The following CLEC4A variants were observed in gnomAD, a reference collection of about 807,000 sequenced individuals.
CLEC4A encodes C-type lectin domain family 4 member A.
A neutral mutation model predicts 32.7 loss-of-function variants in CLEC4A; 27 were observed. The ratio of observed to expected loss-of-function variants is 0.83; its 90% confidence interval spans 0.61 to 1.14. CLEC4A has a LOEUF of 1.14. CLEC4A is among the 50% of genes most tolerant of loss of function. CLEC4A has a pLI of 0.00. For synonymous variants in CLEC4A, 89 were observed against 93.7 expected, an observed-to-expected ratio of 0.95 and a Z score of 0.29; for missense variants, 253 against 274.6, an observed-to-expected ratio of 0.92 and a Z score of 0.55.
chr12:8,103,382 T>TTTTTTG, the CLEC4A span, among the ~76,000 whole-genome samples: 7 of 107,770 alleles, frequency 6.5e-5, no homozygotes, highest in African/African-American at 1.8e-4. Flanking sequence ...TGTTGTTTTT[T>TTTTTTG]TTTTTTTTTT....
the CLEC4A span, among the ~76,000 whole-genome samples, chr12:8,108,127 T>C: frequency 2.6e-5 from 4 of 152,350 alleles, no homozygotes; most frequent in Middle Eastern, 6.8e-3. Context: ...ATTTCCACCT[T>C]AATTTTATTG....
In CLEC4A at chr12:8,129,305, A is replaced by G. The variant is rs747442737; in HGVS notation, c.241A>G (p.Thr81Ala). 1 of 1,606,998 alleles carries G rather than the reference A, an allele frequency of 6.2e-7. No individual in the cohort carries two copies. Among genetic ancestry groups the G allele is most frequent in the South Asian group, 1.1e-5 (1 of 88,712 alleles). ...KYSQLLEKKT[T>A]KELVHTTLEC... is the part of the protein sequence containing the mutation. ...TTCTCAGCTTCTTGAAAAAAAGACT[A>G]CAAAAGAGCTGGTTCATACAACATT... Residue 81 changes from threonine (T) to alanine (A), a missense_variant, in exon 3 of 6, where the codon ACA becomes GCA. Transcript: ENST00000229332.
chr12:8,134,103 G>T, intron 3 of CLEC4A: 1 of 1,592,118 alleles, frequency 6.3e-7, no homozygotes. Flanking sequence ...TTCGGGCACC[G>T]CAGGAACAAA....
the CLEC4A span, among the ~76,000 whole-genome samples, chr12:8,110,792 G>GC: frequency 1.3e-5 from 2 of 151,988 alleles, no homozygotes; most frequent in Non-Finnish European, 2.9e-5. Flanking sequence ...CAGTGTGAGT[G>GC]CCCCCCTTGC....
chr12:8,119,782 T>G (rs1185413132), upstream of CLEC4A, among the ~76,000 whole-genome samples: 1 of 152,218 alleles, frequency 6.6e-6, no homozygotes, highest in African/African-American at 2.4e-5. Flanking sequence ...TTTCACAGGT[T>G]GAGGGCACGC....
intron 3 of CLEC4A, among the ~76,000 whole-genome samples, chr12:8,133,190 C>T (rs1948030875): frequency 6.6e-6 from 1 of 152,196 alleles, no homozygotes; most frequent in African/African-American, 2.4e-5. Flanking sequence ...GCAGGGATTA[C>T]AGGTGTGAGC....
chr12:8,105,532 A>G, the CLEC4A span, among the ~76,000 whole-genome samples: 2 of 151,898 alleles, frequency 1.3e-5, no homozygotes, highest in Admixed American at 6.6e-5. Context: ...TTGTATTTTT[A>G]GTAGAGACGG....
Position 8,129,395 on chromosome 12 carries a change from G to A in CLEC4A, c.298+33G>A, listed in dbSNP as rs752478748. The A allele has an allele frequency of 7.5e-6, 10 of 1,333,364 alleles. No individual in the cohort carries two copies. The African/African-American group carries it at 1.3e-4, about 17-fold the overall frequency. 82.6% of individuals were successfully genotyped at this position (1,333,364 alleles called of 1,614,324 possible). On this transcript the variant is annotated intron_variant, in intron 3 of 5. Transcript: ENST00000229332. ...TTAATGTGCCTAGAATTCAGTTGCTGAATGTACTATGTAAGGATCCCAAAT... is the reference window on the plus strand; with the variant it reads ...TTAATGTGCCTAGAATTCAGTTGCTAAATGTACTATGTAAGGATCCCAAAT...
intron 3 of CLEC4A, chr12:8,134,992 TTTTAATCATGGC>T (rs1948080502): frequency 3.7e-6 from 1 of 267,926 alleles, no homozygotes; most frequent in African/African-American, 2.5e-5. Context: ...TTTTGTTTTT[TTTTAATCATGGC>T]TGCTTTTAAA....
At chr12:8,128,143 A>G (rs769099531) in intron 2 of CLEC4A, among the ~76,000 whole-genome samples, 1 of 152,310 alleles carries the variant, frequency 6.6e-6, no homozygotes, top group Non-Finnish European at 1.5e-5. Context: ...AGGTGGATGG[A>G]GGAAACGGAG....
intron 3 of CLEC4A, among the ~76,000 whole-genome samples, chr12:8,129,715 C>T (rs1006477813): frequency 4.6e-5 from 7 of 152,162 alleles, no homozygotes; most frequent in African/African-American, 7.2e-5. Flanking sequence ...CGCTTGAACC[C>T]GGGAGGCAGA....
the CLEC4A span, among the ~76,000 whole-genome samples, chr12:8,105,670 A>G: frequency 2.0e-4 from 30 of 151,972 alleles, no homozygotes; most frequent in Admixed American, 5.9e-4. Context: ...AATTTTTCAT[A>G]TGCTTGTTGG....
intron 3 of CLEC4A, among the ~76,000 whole-genome samples, chr12:8,133,191 A>C (rs1035358170): frequency 2.0e-5 from 3 of 152,218 alleles, no homozygotes; most frequent in African/African-American, 7.2e-5. Flanking sequence ...CAGGGATTAC[A>C]GGTGTGAGCC....
chr12:8,132,056 T>C (rs985182273), intron 3 of CLEC4A, among the ~76,000 whole-genome samples: 1 of 152,176 alleles, frequency 6.6e-6, no homozygotes, highest in Non-Finnish European at 1.5e-5. Flanking sequence ...GTCCAACTCA[T>C]GGATATTTAT....
chr12:8,135,037 A>ATTTTTTTTTTTTTTTTTTTTT (rs1948086052), intron 3 of CLEC4A, among the ~76,000 whole-genome samples: 4 of 10,276 alleles, frequency 3.9e-4, no homozygotes, highest in Non-Finnish European at 1.0e-3. Flanking sequence ...AATTCTAACA[A>ATTTTTTTTTTTTTTTTTTTTT]TTTTATTATC....
chr12:8,132,111 C>G (rs770158673), intron 3 of CLEC4A, among the ~76,000 whole-genome samples: 1 of 152,112 alleles, frequency 6.6e-6, no homozygotes, highest in African/African-American at 2.4e-5. Flanking sequence ...TTTTGTAGTT[C>G]CAGCTTTGGA....
At chr12:8,126,704 A>T (rs1947906950) in intron 2 of CLEC4A, among the ~76,000 whole-genome samples, 1 of 152,196 alleles carries the variant, frequency 6.6e-6, no homozygotes, top group Non-Finnish European at 1.5e-5. Context: ...ACCAGTGGTT[A>T]TAACATTGTA....
chr12:8,125,991 A>G (rs201475925), intron 2 of CLEC4A, among the ~76,000 whole-genome samples: 27 of 152,194 alleles, frequency 1.8e-4, no homozygotes, highest in African/African-American at 6.0e-4. Flanking sequence ...GGACAAATCT[A>G]TGTTTCCTTG....
chr12:8,128,565 T>G (rs757758600), intron 2 of CLEC4A, among the ~76,000 whole-genome samples: 1 of 152,246 alleles, frequency 6.6e-6, no homozygotes, highest in Non-Finnish European at 1.5e-5. Flanking sequence ...CACCTGCCGC[T>G]GCGCCCAGCT....
Sources: gnomAD v4.1 joint callset for allele counts (sites outside exome capture counted in the v4.1 genomes callset) on GRCh38, gnomAD v4.1.1 for gene constraint, MANE v1.5 for transcripts, NCBI Gene and HGNC (gene_info 2026-07-23, HGNC 2026-07-21) for gene names.